Variants in MMUT observed in about 807,000 individuals in gnomAD.
MMUT encodes methylmalonyl-CoA mutase, mitochondrial.
Under a neutral mutation model 79.9 loss-of-function variants are expected in MMUT, and 79 were observed. The ratio of observed to expected loss-of-function variants is 0.99; its 90% CI spans 0.82 to 1.19. MMUT has a LOEUF of 1.19. MMUT is among the 50% of genes most tolerant of loss of function. The pLI, the probability that MMUT is intolerant of heterozygous loss-of-function variation, is 0.00. For synonymous variants in MMUT, 273 were observed against 295.7 expected (o/e 0.92, Z 0.79); for missense variants, 860 against 917.2 (o/e 0.94, Z 0.81).
Position 49,442,024 on chromosome 6 carries a change from T to C in MMUT, c.1677-53A>G, listed in dbSNP as rs9473557. 549,284 of 1,527,368 alleles carry C rather than the reference T, an allele frequency of 0.36. 100,622 individuals are homozygous for C. The highest frequency in any genetic ancestry group is 0.38 in the African/African-American group (27,979 of 72,792). The allele number at this position is 1,527,368 out of a possible 1,614,324, so 94.6% of individuals were successfully genotyped here. On this transcript the variant is annotated intron_variant, in intron 9 of 12. Transcript: ENST00000274813. The stretch of plus-strand genomic sequence containing the variant: ...ACTTCATTATTTTGTGATAAAGATA[T>C]CTGTTTACCATAATATTCAATATAA...
At chr6:49,459,529 A>G in intron 1 of MMUT, 24 bp from the exon 2 acceptor site, 8 of 1,561,642 alleles carry the variant, frequency 5.1e-6, no homozygotes, top group Non-Finnish European at 6.1e-6. Flanking sequence ...CATAGAGTAA[A>G]AACATTTAGA....
intron 9 of MMUT, among the ~76,000 whole-genome samples, chr6:49,442,282 T>C (rs1227025832): frequency 6.6e-6 from 1 of 152,056 alleles, no homozygotes; most frequent in Non-Finnish European, 1.5e-5. Flanking sequence ...TTAACACAAA[T>C]GGATAAACAG....
chr6:49,447,161 C>T lies in MMUT; in HGVS notation c.1560+509G>A, dbSNP rs1353294435. On this transcript the variant is annotated intron_variant, in intron 8 of 12. Coordinates refer to ENST00000274813, the MANE Select transcript of MMUT (RefSeq NM_000255.4). ...TAAATAAAGTTTATTGTAAACTGTACCTTACTAAAGCACTACCAAATATAG... is the reference window on the plus strand; with the variant it reads ...TAAATAAAGTTTATTGTAAACTGTATCTTACTAAAGCACTACCAAATATAG... Among the ~76,000 whole-genome samples, 2 of 151,792 alleles carry T rather than the reference C, an allele frequency of 1.3e-5. 1 individual carries two copies. Among genetic ancestry groups the T allele is most frequent in the Non-Finnish European group, 3.0e-5 (2 of 67,772 alleles).
At chr6:49,452,618 G>A (rs1183445968) in intron 5 of MMUT, among the ~76,000 whole-genome samples, 1 of 152,198 alleles carries the variant, frequency 6.6e-6, no homozygotes, top group Non-Finnish European at 1.5e-5. Flanking sequence ...ACAGGCGTGA[G>A]CCACTGTGCC....
intron 1 of MMUT, among the ~76,000 whole-genome samples, chr6:49,461,057 C>CA (rs1162494623): frequency 3.3e-5 from 5 of 152,150 alleles, no homozygotes; most frequent in African/African-American, 1.2e-4. Flanking sequence ...TATCTCATAA[C>CA]ATATGAATAA....
At chr6:49,451,755 T>G in intron 5 of MMUT, 41 bp from the exon 6 acceptor site, 1 of 1,587,636 alleles carries the variant, frequency 6.3e-7, no homozygotes, top group Non-Finnish European at 8.6e-7. Flanking sequence ...AAGAAACAGG[T>G]GATAGATATT....
chr6:49,434,246 T>C (rs1485969726), intron 12 of MMUT, among the ~76,000 whole-genome samples: 1 of 152,194 alleles, frequency 6.6e-6, no homozygotes, highest in African/African-American at 2.4e-5. Context: ...ATGAATATAA[T>C]AGGCAAGCAT....
At chr6:49,457,442 C>T (rs950347430) in intron 3 of MMUT, among the ~76,000 whole-genome samples, 3 of 152,074 alleles carry the variant, frequency 2.0e-5, no homozygotes, top group African/African-American at 7.2e-5. Flanking sequence ...AGTAGAAGAC[C>T]TCCCTGAATC....
chr6:49,459,659 G>A (rs1224096280), intron 1 of MMUT, among the ~76,000 whole-genome samples, 154 bp from the exon 2 acceptor site: 1 of 151,968 alleles, frequency 6.6e-6, no homozygotes, highest in Admixed American at 6.6e-5. Flanking sequence ...TATAACTTTG[G>A]CCCCTCTTCT....
intron 9 of MMUT, among the ~76,000 whole-genome samples, chr6:49,443,165 C>T (rs1767322155): frequency 6.6e-6 from 1 of 152,022 alleles, no homozygotes. Context: ...GCACTGACAC[C>T]TCTTTATTCT....
intron 11 of MMUT, among the ~76,000 whole-genome samples, chr6:49,437,436 CA>C (rs561173844): frequency 4.4e-4 from 67 of 152,052 alleles, no homozygotes; most frequent in Non-Finnish European, 8.7e-4. Context: ...ACCTAAAAAG[CA>C]GATAATAAAA....
In MMUT at chr6:49,452,203, T is replaced by G. The variant is rs189775643; in HGVS notation, c.1084-489A>C. 3.2e-3 allele frequency among the ~76,000 whole-genome samples: 491 copies of G among 152,334 alleles called. 2 individuals are homozygous for G. The highest frequency in any genetic ancestry group is 5.2e-3 in the Non-Finnish European group (357 of 68,022). ...GCCTAATTGTGATTTGGGCAAGTCA[T>G]TGGATCTCTCTGAACTTCAGTTTCT... On this transcript the variant is annotated intron_variant, in intron 5 of 12. Coordinates refer to ENST00000274813, the MANE Select transcript of MMUT (RefSeq NM_000255.4).
rs1474606753 is a variant in MMUT, at chr6:49,456,224, A to C, written c.767T>G (p.Phe256Cys). The C allele has an allele frequency of 6.2e-7, 1 of 1,610,956 alleles. No individual in the cohort carries two copies. The highest frequency in any genetic ancestry group is 8.5e-7 in the Non-Finnish European group (1 of 1,177,236). The change falls in exon 4 of 13, where the codon TTT (phenylalanine) becomes TGT (cysteine). Residue 256 changes from phenylalanine to cysteine, a missense_variant. Physicochemically the swap from Phe to Cys is radical, Grantham distance 205. Transcript: ENST00000274813. Reference protein sequence around the residue: ...FEYTAKHMPKFNSISISGYHM... With the variant: ...FEYTAKHMPKCNSISISGYHM... ...GTATCCACTAATTGAAATTGAATTA[A>C]ATTTTGGCATGTGCTACATAAAAAA...
intron 12 of MMUT, among the ~76,000 whole-genome samples, chr6:49,432,271 G>A (rs9367355): frequency 0.11 from 16,261 of 152,134 alleles, 1,123 homozygotes; most frequent in South Asian, 0.19. Context: ...TCTGCAGTTA[G>A]TGAATGATGG....
chr6:49,439,805 G>C (rs1033662444), intron 11 of MMUT, among the ~76,000 whole-genome samples: 1 of 152,146 alleles, frequency 6.6e-6, no homozygotes, highest in Non-Finnish European at 1.5e-5. Flanking sequence ...CCATCCTCTG[G>C]CATGCAACTG....
rs1174654620 is a variant in MMUT, at chr6:49,435,478, C to G, written c.2102G>C (p.Cys701Ser). The G allele has an allele frequency of 6.2e-7, 1 of 1,614,108 alleles. No individual in the cohort carries two copies. Among genetic ancestry groups the G allele is most frequent in the Non-Finnish European group, 8.5e-7 (1 of 1,179,992 alleles). The change falls in exon 12 of 13, where the codon TGT (cysteine) becomes TCT (serine). Residue 701 changes from cysteine to serine, a missense_variant. Cys to Ser is a moderately radical substitution (Grantham distance 112). Coordinates refer to ENST00000274813, the MANE Select transcript of MMUT (RefSeq NM_000255.4). The part of the protein sequence containing the change: ...SLGRPDILVM[C>S]GGVIPPQDYE... ...TACCTGAGGTGGTATCACCCCTCCA[C>G]ACATGACAAGAATATCTGGCCGTCC... is the stretch of plus-strand genomic sequence containing the variant.
chr6:49,431,818 T>G lies in MMUT; in HGVS notation c.2163A>C (p.Val721=). 1 of 1,613,800 alleles carries G rather than the reference T, an allele frequency of 6.2e-7. No homozygotes were observed. ...EFLFEVGVSN[V]FGPGTRIPKA... ...TTGGAATTCGAGTCCCAGGACCAAATACATTGGAAACACCAACTTCAAACA... is the reference window on the plus strand; with the variant it reads ...TTGGAATTCGAGTCCCAGGACCAAAGACATTGGAAACACCAACTTCAAACA... The change falls in exon 13 of 13, where the codon GTA becomes GTC. Residue 721 remains valine (V), a synonymous_variant. Transcript: ENST00000274813.
intron 10 of MMUT, among the ~76,000 whole-genome samples, chr6:49,441,408 G>C (rs566252609): frequency 8.6e-4 from 131 of 151,942 alleles, no homozygotes; most frequent in African/African-American, 3.0e-3. Flanking sequence ...ATAGTAAGCA[G>C]ATTGAAATAT....
intron 11 of MMUT, among the ~76,000 whole-genome samples, chr6:49,437,740 G>A (rs2127414028): frequency 6.6e-6 from 1 of 152,042 alleles, no homozygotes; most frequent in South Asian, 2.1e-4. Context: ...CATTGCCCTA[G>A]TTAAGGTCTT....
Sources: allele counts gnomAD v4.1 joint callset (sites outside exome capture counted in the v4.1 genomes callset), GRCh38; gene constraint gnomAD v4.1.1; transcripts MANE v1.5; gene names NCBI Gene and HGNC (gene_info 2026-07-23, HGNC 2026-07-21).